The following SAMD12 variants were observed in gnomAD, a reference collection of about 807,000 sequenced individuals.
SAMD12 encodes the protein sterile alpha motif domain-containing protein 12.
Under a neutral mutation model 15.0 loss-of-function variants are expected in SAMD12, and 9 were observed. That is an observed-to-expected ratio of 0.60 (90% CI 0.36 to 1.05). The LOEUF (loss-of-function observed/expected upper bound fraction) is 1.05, where lower values mean the gene tolerates loss of function less well. Among genes scored for constraint, SAMD12 ranks in the 50% least tolerant of loss-of-function variants. The pLI, the probability that SAMD12 is intolerant of heterozygous loss-of-function variation, is 0.01. For synonymous variants in SAMD12, 86 were observed against 90.1 expected (o/e 0.96, Z 0.25); for missense variants, 230 against 234.2 (o/e 0.98, Z 0.12).
At chr8:118,224,259 A>T (rs2030442791) in intron 4 of SAMD12, among the ~76,000 whole-genome samples, 1 of 152,198 alleles carries the variant, frequency 6.6e-6, no homozygotes, top group Non-Finnish European at 1.5e-5. Flanking sequence ...CCTTTCCCTC[A>T]TTACAACAAA....
intron 3 of SAMD12, among the ~76,000 whole-genome samples, chr8:118,387,307 G>A (rs1203798439): frequency 1.3e-5 from 2 of 152,154 alleles, no homozygotes; most frequent in Non-Finnish European, 2.9e-5. Flanking sequence ...CTTCAATGGG[G>A]ATGAAAACCA....
intron 4 of SAMD12, among the ~76,000 whole-genome samples, chr8:118,322,875 A>AC (rs1326489646): frequency 8.9e-6 from 1 of 112,202 alleles, no homozygotes; most frequent in South Asian, 2.3e-4. Context: ...TTTTTAAATT[A>AC]AAAAAAATTT....
the SAMD12 span, among the ~76,000 whole-genome samples, chr8:118,179,164 G>A: frequency 5.9e-5 from 9 of 152,246 alleles, no homozygotes; most frequent in East Asian, 5.8e-4. Flanking sequence ...ATAAGGGGCC[G>A]GATGCGGTGG....
chr8:118,448,862 C>T (rs1470025270), intron 2 of SAMD12, among the ~76,000 whole-genome samples: 3 of 152,160 alleles, frequency 2.0e-5, no homozygotes. Flanking sequence ...TTTCTAAATT[C>T]ACTGCAAATA....
At chr8:118,533,743 T>C (rs780468645) in intron 2 of SAMD12, among the ~76,000 whole-genome samples, 5 of 152,212 alleles carry the variant, frequency 3.3e-5, no homozygotes, top group Non-Finnish European at 5.9e-5. Context: ...GTCTGTTTTA[T>C]CAGAGACTAG....
At chr8:118,157,212 T>A in the SAMD12 span, among the ~76,000 whole-genome samples, 40 of 152,316 alleles carry the variant, frequency 2.6e-4, no homozygotes, top group African/African-American at 9.4e-4. Flanking sequence ...GGATGTAGTC[T>A]TGCCATGAAG....
intron 1 of SAMD12, among the ~76,000 whole-genome samples, chr8:118,588,151 A>G (rs1046054311): frequency 1.3e-5 from 2 of 152,218 alleles, no homozygotes; most frequent in Non-Finnish European, 2.9e-5. Flanking sequence ...GGTACCCAGA[A>G]AAGTGCCCAG....
chr8:118,395,088 T>C (rs1820487780), intron 3 of SAMD12: 2 of 152,004 alleles, frequency 1.3e-5, no homozygotes, highest in South Asian at 4.2e-4. Context: ...AATTAATTAA[T>C]ACAGAGAAAA....
intron 2 of SAMD12, among the ~76,000 whole-genome samples, chr8:118,499,503 A>T (rs1824717121): frequency 6.6e-6 from 1 of 152,350 alleles, no homozygotes; most frequent in East Asian, 1.9e-4. Context: ...CCAAAGTTAC[A>T]TGGTAATAAT....
At chr8:118,419,371 T>C (rs140982960) in intron 3 of SAMD12, among the ~76,000 whole-genome samples, 11 of 152,338 alleles carry the variant, frequency 7.2e-5, no homozygotes, top group African/African-American at 2.6e-4. Context: ...GTCTGAGGTT[T>C]GAAAATGTGT....
At chr8:118,162,696 TAAAGGG>T in the SAMD12 span, among the ~76,000 whole-genome samples, 43 of 152,314 alleles carry the variant, frequency 2.8e-4, no homozygotes, top group African/African-American at 9.4e-4. Flanking sequence ...ATGAGCTTGC[TAAAGGG>T]AAATCGAACT....
intron 4 of SAMD12, among the ~76,000 whole-genome samples, chr8:118,335,310 T>C (rs935285072): frequency 5.3e-5 from 8 of 152,196 alleles, no homozygotes; most frequent in Admixed American, 1.3e-4. Flanking sequence ...CATTTGTGCT[T>C]GTAACTCGCA....
intron 3 of SAMD12, among the ~76,000 whole-genome samples, chr8:118,437,939 CA>C (rs1217891293): frequency 1.3e-5 from 2 of 152,064 alleles, no homozygotes; most frequent in African/African-American, 4.8e-5. Flanking sequence ...ACACTGCTTT[CA>C]AATAAGATCA....
At chr8:118,178,164 G>A in the SAMD12 span, among the ~76,000 whole-genome samples, 1 of 152,196 alleles carries the variant, frequency 6.6e-6, no homozygotes, top group Non-Finnish European at 1.5e-5. Context: ...CTAAATGTTT[G>A]AGACTAGAGT....
At chr8:118,314,137 ATATTTTTTCT>A (rs970065669) in intron 4 of SAMD12, among the ~76,000 whole-genome samples, 2 of 152,126 alleles carry the variant, frequency 1.3e-5, no homozygotes, top group Admixed American at 1.3e-4. Context: ...CATTTTCTAT[ATATTTTTTCT>A]GTATCTGCTA....
chr8:118,455,732 C>A (rs1823227659), intron 2 of SAMD12, among the ~76,000 whole-genome samples: 1 of 152,202 alleles, frequency 6.6e-6, no homozygotes, highest in Non-Finnish European at 1.5e-5. Flanking sequence ...TGACTTCCCT[C>A]AAATCTGCTC....
At chr8:118,197,866 G>GT in intron 4 of SAMD12, 1 of 798,636 alleles carries the variant, frequency 1.3e-6, no homozygotes, top group Non-Finnish European at 2.2e-6. Flanking sequence ...CAGAATAATG[G>GT]TTACTCAATG....
intron 4 of SAMD12, among the ~76,000 whole-genome samples, chr8:118,256,761 T>A (rs1426582907): frequency 6.8e-6 from 1 of 147,364 alleles, no homozygotes; most frequent in Non-Finnish European, 1.5e-5. Context: ...CTTCTTAATG[T>A]AATATATCTG....
At chr8:118,290,051 CAAAT>C (rs1044563140) in intron 4 of SAMD12, among the ~76,000 whole-genome samples, 5 of 152,116 alleles carry the variant, frequency 3.3e-5, no homozygotes, top group Admixed American at 6.6e-5. Context: ...CTAAAAGACT[CAAAT>C]AAGGAAGATT....
Sources: allele counts gnomAD v4.1 joint callset (sites outside exome capture counted in the v4.1 genomes callset), GRCh38; gene constraint gnomAD v4.1.1; transcripts MANE v1.5; gene names NCBI Gene and HGNC (gene_info 2026-07-23, HGNC 2026-07-21).